Variants in BICC1 observed in about 807,000 individuals in gnomAD.
BICC1 encodes the protein BicC family RNA binding protein 1, also known as protein bicaudal C homolog 1.
Under a neutral mutation model 111.0 loss-of-function variants are expected in BICC1, and 43 were observed. The ratio of observed to expected loss-of-function variants is 0.39; its 90% CI spans 0.30 to 0.50. BICC1 has a LOEUF of 0.50. Among genes scored for constraint, BICC1 ranks in the 20% least tolerant of loss-of-function variants. The pLI is 0.88. For missense variants in BICC1, 1,091 were observed against 1,203.2 expected, an observed-to-expected ratio of 0.91 and a Z score of 1.38; for synonymous variants, 467 against 434.4, an observed-to-expected ratio of 1.07 and a Z score of -0.93.
chr10:58,826,877 C>T (rs1304652692), intron 20 of BICC1, among the ~76,000 whole-genome samples: 5 of 152,220 alleles, frequency 3.3e-5, no homozygotes, highest in Non-Finnish European at 7.3e-5. Flanking sequence ...ATCTATAAAG[C>T]TGCCCACCCT....
At chr10:58,821,873 T>G (rs2132977348) in intron 20 of BICC1, among the ~76,000 whole-genome samples, 1 of 152,202 alleles carries the variant, frequency 6.6e-6, no homozygotes, top group South Asian at 2.1e-4. Flanking sequence ...GAAGGTAGAT[T>G]GGAATTTGTG....
intron 1 of BICC1, among the ~76,000 whole-genome samples, chr10:58,607,293 G>A (rs1409038689): frequency 1.7e-4 from 5 of 29,402 alleles, no homozygotes; most frequent in African/African-American, 3.7e-4. Context: ...TCCAGCCTGG[G>A]CAACAAGAGC....
At chr10:58,538,034 G>A (rs1469993025) in intron 1 of BICC1, among the ~76,000 whole-genome samples, 1 of 151,868 alleles carries the variant, frequency 6.6e-6, no homozygotes, top group East Asian at 1.9e-4. Flanking sequence ...TCGTGAAAAT[G>A]ACCATACTGC....
At chr10:58,678,830 A>G (rs746334134) in intron 2 of BICC1, among the ~76,000 whole-genome samples, 1 of 152,230 alleles carries the variant, frequency 6.6e-6, no homozygotes, top group Non-Finnish European at 1.5e-5. Flanking sequence ...AATCATAACA[A>G]TCAGTCTCTC....
chr10:58,602,801 G>A (rs10740733), intron 1 of BICC1, among the ~76,000 whole-genome samples: 115,399 of 151,988 alleles, frequency 0.76, 44,445 homozygotes, highest in East Asian at 0.98. Flanking sequence ...GCTATATTTT[G>A]CAGAAGGTTA....
intron 3 of BICC1, among the ~76,000 whole-genome samples, chr10:58,772,829 T>A (rs530870138): frequency 6.6e-6 from 1 of 152,314 alleles, no homozygotes; most frequent in East Asian, 1.9e-4. Context: ...AGATGTGTAC[T>A]GCATATATCT....
intron 3 of BICC1, among the ~76,000 whole-genome samples, chr10:58,781,633 T>C (rs1564610122): frequency 6.6e-6 from 1 of 152,338 alleles, no homozygotes; most frequent in East Asian, 1.9e-4. Context: ...TGTTTATTAA[T>C]GTGGTTAATA....
intron 3 of BICC1, among the ~76,000 whole-genome samples, chr10:58,736,103 C>T (rs1442431771): frequency 6.6e-6 from 1 of 152,172 alleles, no homozygotes; most frequent in East Asian, 1.9e-4. Flanking sequence ...CAATTCAGAC[C>T]TGACACCTGT....
At position 58,758,070 on chromosome 10, in the gene BICC1, T is replaced by TA. The variant is rs111600036; in HGVS notation, c.308-26922dup. Among the ~76,000 whole-genome samples the TA allele has an allele frequency of 3.3e-3, 498 of 151,932 alleles. 1 individual carries two copies. The highest frequency in any genetic ancestry group is 0.01 in the South Asian group (49 of 4,812). On this transcript the variant is annotated intron_variant, in intron 3 of 20. Transcript: ENST00000373886. ...TGCAGTATTTTTCCTTCTACTATCT[T>TA]AAAAAAAAATATATGTAGTTTTAAA...
chr10:58,658,140 A>G (rs1838719998), intron 2 of BICC1, among the ~76,000 whole-genome samples: 1 of 152,150 alleles, frequency 6.6e-6, no homozygotes, highest in Non-Finnish European at 1.5e-5. Flanking sequence ...ATATTATGCC[A>G]ATTTCTGTTC....
At chr10:58,736,008 A>G (rs1272099185) in intron 3 of BICC1, among the ~76,000 whole-genome samples, 1 of 152,134 alleles carries the variant, frequency 6.6e-6, no homozygotes, top group Non-Finnish European at 1.5e-5. Context: ...ATCAGGCAAA[A>G]AAGTATCACG....
intron 3 of BICC1, among the ~76,000 whole-genome samples, chr10:58,736,934 A>T (rs905619106): frequency 3.3e-5 from 5 of 152,012 alleles, no homozygotes; most frequent in African/African-American, 1.2e-4. Context: ...ATTTTATTTT[A>T]TTTTATTTTA....
intron 2 of BICC1, among the ~76,000 whole-genome samples, chr10:58,660,000 C>CT (rs1241828871): frequency 1.3e-5 from 2 of 152,180 alleles, no homozygotes; most frequent in East Asian, 1.9e-4. Flanking sequence ...AAAAAGGACT[C>CT]TGAGAGTTCT....
chr10:58,589,913 G>A (rs998554476), intron 1 of BICC1, among the ~76,000 whole-genome samples: 3 of 151,954 alleles, frequency 2.0e-5, no homozygotes, highest in African/African-American at 2.4e-5. Context: ...TCAAGCGATC[G>A]TCCTGCCTCA....
chr10:58,789,817 A>C lies in BICC1; in HGVS notation c.931A>C (p.Met311Leu). 6.2e-7 allele frequency: 1 copy of C among 1,614,164 alleles called. No individual in the cohort carries two copies. The highest frequency in any genetic ancestry group is 8.5e-7 in the Non-Finnish European group (1 of 1,180,016). ...AAATGGGAGCAACATCAAACATATC[A>C]TGCAGAGAACAGGTGCTCAGATCCA... Reference protein sequence around the residue: ...GRNGSNIKHIMQRTGAQIHFP... With the variant: ...GRNGSNIKHILQRTGAQIHFP... Residue 311 changes from methionine (M) to leucine (L), a missense_variant, in exon 8 of 21, where the codon ATG becomes CTG. Met to Leu is a conservative substitution (Grantham distance 15). Coordinates refer to ENST00000373886, the MANE Select transcript of BICC1 (RefSeq NM_001080512.3).
At chr10:58,529,067 G>A (rs574314261) in intron 1 of BICC1, among the ~76,000 whole-genome samples, 2 of 152,048 alleles carry the variant, frequency 1.3e-5, no homozygotes, top group Admixed American at 1.3e-4. Flanking sequence ...CTAGAGCTTA[G>A]CTAATTTAAG....
chr10:58,540,221 A>G (rs1842924991), intron 1 of BICC1, among the ~76,000 whole-genome samples: 1 of 151,870 alleles, frequency 6.6e-6, no homozygotes, highest in South Asian at 2.1e-4. Flanking sequence ...AAAAGGAAGA[A>G]CAAGCTAAAC....
chr10:58,647,606 C>T (rs1469144606), intron 2 of BICC1, among the ~76,000 whole-genome samples: 2 of 152,130 alleles, frequency 1.3e-5, no homozygotes, highest in East Asian at 1.9e-4. Flanking sequence ...ATCATCTTCA[C>T]GATAACCTGT....
rs150269030 is a variant in BICC1, at chr10:58,803,108, C to A, written c.2047C>A (p.Leu683Met). The A allele has an allele frequency of 8.1e-6, 13 of 1,608,438 alleles. No individual in the cohort carries two copies. In the South Asian group the frequency reaches 1.5e-4, roughly 18 times the overall value. ...STDRLLSDPE[L>M]SATESPLADK... is the part of the protein sequence containing the mutation. The stretch of plus-strand genomic sequence containing the variant: ...TGACAGGTTGCTCTCAGACCCTGAA[C>A]TGAGTGCTACCGAAAGCCCTTTGGC... Residue 683 changes from leucine to methionine, a missense_variant, in exon 15 of 21, where the codon CTG (leucine) becomes ATG (methionine). Around this residue, in one of 3 missense-constraint regions of BICC1, gnomAD observed 843 missense variants for 900.8 expected, o/e 0.94. Transcript: ENST00000373886.
Sources: gnomAD v4.1 joint callset for allele counts (sites outside exome capture counted in the v4.1 genomes callset) on GRCh38, gnomAD v4.1.1 for gene constraint, gnomAD v4.1.1 regional missense constraint, MANE v1.5 for transcripts, NCBI Gene and HGNC (gene_info 2026-07-23, HGNC 2026-07-21) for gene names.